Variants in KCNIP4 observed in about 807,000 individuals in gnomAD.
The protein encoded by KCNIP4 is Kv channel-interacting protein 4.
In KCNIP4, 12 loss-of-function variants were observed where a neutral mutation model predicts 34.0. The observed-to-expected ratio is 0.35, with a 90% confidence interval of 0.23 to 0.57. The LOEUF (loss-of-function observed/expected upper bound fraction) is 0.57, where lower values mean the gene tolerates loss of function less well. Ranked by LOEUF, KCNIP4 falls within the 20% of genes least tolerant of loss-of-function variation. The pLI, the probability that KCNIP4 is intolerant of heterozygous loss-of-function variation, is 0.83. For missense variants in KCNIP4, 238 were observed against 311.7 expected, an observed-to-expected ratio of 0.76 and a Z score of 1.78; for synonymous variants, 124 against 102.2, an observed-to-expected ratio of 1.21 and a Z score of -1.29.
At chr4:21,214,693 T>C (rs939889807) in intron 1 of KCNIP4, among the ~76,000 whole-genome samples, 1 of 152,170 alleles carries the variant, frequency 6.6e-6, no homozygotes, top group Non-Finnish European at 1.5e-5. Context: ...AACCTCTTAA[T>C]ATAGAGAGAG....
At chr4:21,876,281 T>C (rs1726106058) in intron 1 of KCNIP4, among the ~76,000 whole-genome samples, 1 of 152,228 alleles carries the variant, frequency 6.6e-6, no homozygotes, top group Non-Finnish European at 1.5e-5. Context: ...CTATCTATGA[T>C]TTTACTGGAG....
chr4:20,918,479 T>C (rs938565013), intron 1 of KCNIP4, among the ~76,000 whole-genome samples: 5 of 152,194 alleles, frequency 3.3e-5, no homozygotes, highest in Non-Finnish European at 7.3e-5. Context: ...TTAATACTTT[T>C]ATGGGCTTTT....
At chr4:20,918,476 T>C (rs1227808122) in intron 1 of KCNIP4, among the ~76,000 whole-genome samples, 1 of 152,194 alleles carries the variant, frequency 6.6e-6, no homozygotes, top group African/African-American at 2.4e-5. Flanking sequence ...CTTTTAATAC[T>C]TTTATGGGCT....
chr4:21,536,589 G>T (rs1236904985), intron 1 of KCNIP4, among the ~76,000 whole-genome samples: 1 of 152,028 alleles, frequency 6.6e-6, no homozygotes, highest in Non-Finnish European at 1.5e-5. Flanking sequence ...GAACAGTCTG[G>T]CCAACATTGC....
chr4:20,812,563 C>T (rs1715895857), intron 3 of KCNIP4, among the ~76,000 whole-genome samples: 1 of 152,102 alleles, frequency 6.6e-6, no homozygotes. Context: ...AAAGCTGGCC[C>T]CTTTCCGAAT....
chr4:21,088,294 A>G (rs1208055194), intron 1 of KCNIP4, among the ~76,000 whole-genome samples: 3 of 152,124 alleles, frequency 2.0e-5, no homozygotes, highest in African/African-American at 7.2e-5. Flanking sequence ...AGCTAAAATT[A>G]AGTTAGTTGG....
At chr4:20,741,767 CAATG>C (rs1194791868) in intron 5 of KCNIP4, among the ~76,000 whole-genome samples, 2 of 152,088 alleles carry the variant, frequency 1.3e-5, no homozygotes, top group African/African-American at 2.4e-5. Context: ...TTCAAAAAAT[CAATG>C]AATCCAGGAG....
intron 1 of KCNIP4, among the ~76,000 whole-genome samples, chr4:21,923,113 C>T (rs966065228): frequency 6.6e-6 from 1 of 152,144 alleles, no homozygotes; most frequent in Admixed American, 6.6e-5. Flanking sequence ...TGCCAGCTTC[C>T]ACTGCACCCT....
intron 1 of KCNIP4, among the ~76,000 whole-genome samples, chr4:21,692,960 G>C (rs1711837371): frequency 2.0e-5 from 3 of 151,748 alleles, no homozygotes; most frequent in South Asian, 4.2e-4. Flanking sequence ...TGGGCTGGGG[G>C]ATGAGAGAGT....
At chr4:21,550,430 C>T (rs1371772059) in intron 1 of KCNIP4, among the ~76,000 whole-genome samples, 1 of 152,096 alleles carries the variant, frequency 6.6e-6, no homozygotes, top group African/African-American at 2.4e-5. Context: ...GATTAGAGTG[C>T]CTGAGAATAT....
chr4:21,341,223 C>G (rs1192795751), intron 1 of KCNIP4, among the ~76,000 whole-genome samples: 1 of 152,078 alleles, frequency 6.6e-6, no homozygotes, highest in Non-Finnish European at 1.5e-5. Flanking sequence ...CTGCAGACAC[C>G]TTTCTTTAAG....
chr4:21,033,044 G>T (rs1302580610), intron 1 of KCNIP4, among the ~76,000 whole-genome samples: 2 of 152,046 alleles, frequency 1.3e-5, no homozygotes, highest in Non-Finnish European at 2.9e-5. Flanking sequence ...TAGACAGTTA[G>T]GAGGCTTTCT....
At chr4:21,906,874 A>T (rs1334765600) in intron 1 of KCNIP4, among the ~76,000 whole-genome samples, 1 of 152,148 alleles carries the variant, frequency 6.6e-6, no homozygotes, top group East Asian at 1.9e-4. Context: ...AATATGTTAC[A>T]TTTTACATAA....
chr4:21,055,015 A>G (rs548958626), intron 1 of KCNIP4, among the ~76,000 whole-genome samples: 1 of 152,318 alleles, frequency 6.6e-6, no homozygotes, highest in Non-Finnish European at 1.5e-5. Flanking sequence ...TAAAAGATAC[A>G]TCTGACAAAG....
intron 1 of KCNIP4, among the ~76,000 whole-genome samples, chr4:21,348,577 T>G (rs1232140456): frequency 6.6e-6 from 1 of 152,164 alleles, no homozygotes; most frequent in African/African-American, 2.4e-5. Flanking sequence ...TTCAGCTAAC[T>G]CATTCCAACC....
intron 2 of KCNIP4, among the ~76,000 whole-genome samples, chr4:20,863,698 CTT>C (rs71940315): frequency 0.14 from 20,850 of 152,100 alleles, 1,513 homozygotes; most frequent in Middle Eastern, 0.2. Flanking sequence ...ATGGAGATCT[CTT>C]TCACTGTCAT....
At position 21,670,450 on chromosome 4, in the gene KCNIP4, T is replaced by C. The variant is rs545892126; in HGVS notation, c.61+278121A>G. Among the ~76,000 whole-genome samples, 577 of 147,504 alleles carry C rather than the reference T, an allele frequency of 3.9e-3. 4 individuals are homozygous for C. Among genetic ancestry groups the C allele is most frequent in the African/African-American group, 0.013 (541 of 40,318 alleles). ...GTCGGGGGAGGGGGGAGGGATAGCA[T>C]TGGGAGATATACCTAATGCTAGATG... On this transcript the variant is annotated intron_variant, in intron 1 of 8. Coordinates refer to ENST00000382152, the MANE Select transcript of KCNIP4 (RefSeq NM_025221.6).
chr4:20,843,241 C>T (rs916774372), intron 3 of KCNIP4, among the ~76,000 whole-genome samples: 1 of 152,046 alleles, frequency 6.6e-6, no homozygotes, highest in African/African-American at 2.4e-5. Flanking sequence ...ATGAAGGTAA[C>T]ATTTTTGTCA....
intron 1 of KCNIP4, among the ~76,000 whole-genome samples, chr4:21,097,609 A>G (rs1262494721): frequency 6.6e-6 from 1 of 152,096 alleles, no homozygotes; most frequent in Non-Finnish European, 1.5e-5. Flanking sequence ...TGTGGCTACC[A>G]TCATTGTTTG....
Sources: gnomAD v4.1 joint callset for allele counts (sites outside exome capture counted in the v4.1 genomes callset) on GRCh38, gnomAD v4.1.1 for gene constraint, MANE v1.5 for transcripts, NCBI Gene and HGNC (gene_info 2026-07-23, HGNC 2026-07-21) for gene names.